The following NLK variants were observed in gnomAD, a reference collection of about 807,000 sequenced individuals.
NLK encodes nemo like kinase.
NLK carries 11 observed loss-of-function variants against 59.0 expected under a neutral mutation model. The ratio of observed to expected loss-of-function variants is 0.19; its 90% CI spans 0.12 to 0.31. The LOEUF is 0.31. Among genes scored for constraint, NLK ranks in the 10% least tolerant of loss-of-function variants. The pLI is 1.00. For synonymous variants in NLK, 235 were observed against 235.9 expected, an observed-to-expected ratio of 1.00 and a Z score of 0.03; for missense variants, 410 against 661.1, an observed-to-expected ratio of 0.62 and a Z score of 4.16.
chr17:28,187,547 G>C (rs1264913953), intron 8 of NLK, among the ~76,000 whole-genome samples: 1 of 152,126 alleles, frequency 6.6e-6, no homozygotes, highest in Non-Finnish European at 1.5e-5. Flanking sequence ...TGATCCACCT[G>C]CCTTGGCCTC....
downstream of NLK, among the ~76,000 whole-genome samples, chr17:28,201,105 G>GA (rs1387916868): frequency 6.6e-6 from 1 of 152,000 alleles, no homozygotes. Context: ...TTTTAGACAG[G>GA]GTCTCCCTCT....
rs573401453 is a variant in NLK, at chr17:28,177,051, T to C, written c.1149+4433T>C. The stretch of plus-strand genomic sequence containing the variant: ...AATAAAATGTTATTAAGAAAAATTA[T>C]AAGGAAGAGAAAATAGACTGTTTGT... On this transcript the variant is annotated intron_variant, in intron 7 of 10. Coordinates refer to ENST00000407008, the MANE Select transcript of NLK (RefSeq NM_016231.5). Among the ~76,000 whole-genome samples the C allele has an allele frequency of 9.2e-5, 14 of 152,198 alleles. 1 individual carries two copies. In the South Asian group the frequency reaches 2.9e-3, roughly 32 times the overall value.
At chr17:28,198,093 C>A (rs760450169), downstream of NLK, among the ~76,000 whole-genome samples, 1 of 152,102 alleles carries the variant, frequency 6.6e-6, no homozygotes, top group Non-Finnish European at 1.5e-5. Context: ...GGTACAGACA[C>A]CCCTAAGGAT....
intron 10 of NLK, among the ~76,000 whole-genome samples, chr17:28,192,679 A>AT (rs990568811): frequency 1.5e-4 from 23 of 151,972 alleles, no homozygotes; most frequent in African/African-American, 5.6e-4. Context: ...AAAAAAAAAA[A>AT]CAAAAAACTG....
chr17:28,122,932 T>C (rs1308895713), intron 2 of NLK, among the ~76,000 whole-genome samples, 200 bp downstream of exon 2: 1 of 152,184 alleles, frequency 6.6e-6, no homozygotes, highest in East Asian at 1.9e-4. Context: ...ATTCATACAT[T>C]CTTATTGAAA....
In NLK at chr17:28,163,453, C is replaced by T. The variant is rs190482238; in HGVS notation, c.752-90C>T. On this transcript the variant is annotated intron_variant, in intron 4 of 10. Transcript: ENST00000407008. ...AGTTATTTAGGGAACAATTTTAAAT[C>T]CTCTACTGTTTTCTTCCAAGGTTTT... 1.6e-3 allele frequency: 1,190 copies of T among 728,132 alleles called. 12 individuals are homozygous for T. The highest frequency in any genetic ancestry group is 9.0e-3 in the South Asian group (498 of 55,634). 45.1% of individuals were successfully genotyped at this position (728,132 alleles called of 1,614,324 possible).
At chr17:28,097,001 A>G (rs145516070) in intron 1 of NLK, among the ~76,000 whole-genome samples, 384 of 152,294 alleles carry the variant, frequency 2.5e-3, no homozygotes, top group Non-Finnish European at 3.4e-3. Flanking sequence ...TGTGTCATTT[A>G]TGTTACAGTA....
At chr17:28,059,448 GT>G (rs531724067) in intron 1 of NLK, among the ~76,000 whole-genome samples, 30 of 152,004 alleles carry the variant, frequency 2.0e-4, no homozygotes, top group Non-Finnish European at 3.5e-4. Flanking sequence ...CTATTGAACT[GT>G]TTAGGGAAAT....
At chr17:28,183,372 A>G (rs562659303) in intron 7 of NLK, among the ~76,000 whole-genome samples, 6 of 152,304 alleles carry the variant, frequency 3.9e-5, no homozygotes, top group South Asian at 2.1e-4. Context: ...TCTGTCACCC[A>G]GGCTAGAGTG....
At chr17:28,143,556 A>T (rs951499185) in intron 3 of NLK, among the ~76,000 whole-genome samples, 4 of 152,226 alleles carry the variant, frequency 2.6e-5, no homozygotes, top group Non-Finnish European at 4.4e-5. Flanking sequence ...CTTTCTGTCC[A>T]TATTCATTCT....
intron 8 of NLK, among the ~76,000 whole-genome samples, chr17:28,188,471 TAAGA>T (rs1909198190): frequency 6.6e-6 from 1 of 152,056 alleles, no homozygotes. Flanking sequence ...AGCAATACAT[TAAGA>T]AAGAAATGAG....
intron 1 of NLK, among the ~76,000 whole-genome samples, chr17:28,119,305 A>G (rs1273160436): frequency 6.6e-6 from 1 of 152,192 alleles, no homozygotes; most frequent in African/African-American, 2.4e-5. Context: ...TTAGAGTTAT[A>G]TTGTTGCCAG....
intron 7 of NLK, among the ~76,000 whole-genome samples, chr17:28,179,768 C>T (rs950941344): frequency 6.6e-6 from 1 of 151,088 alleles, no homozygotes. Context: ...CTAGTCTCAA[C>T]TTCCTGGGCT....
At chr17:28,077,396 A>G (rs2074902728) in intron 1 of NLK, among the ~76,000 whole-genome samples, 1 of 151,782 alleles carries the variant, frequency 6.6e-6, no homozygotes, top group Non-Finnish European at 1.5e-5. Flanking sequence ...ATTCACTACC[A>G]CGAGAACAGT....
rs536989699 is a variant in NLK, at chr17:28,152,106, G to A, written c.645-9054G>A. ...TCCATTCAAATCCCACAGGTATAGG[G>A]TGAGCAACACCCTGACCTGATAGGT... On this transcript the variant is annotated intron_variant, in intron 3 of 10. Coordinates refer to ENST00000407008, the MANE Select transcript of NLK (RefSeq NM_016231.5). Among the ~76,000 whole-genome samples, 192 of 152,290 alleles carry A rather than the reference G, an allele frequency of 1.3e-3. 1 individual carries two copies. The highest frequency in any genetic ancestry group is 4.5e-3 in the African/African-American group (188 of 41,574).
chr17:28,143,774 G>C (rs191807942), intron 3 of NLK, among the ~76,000 whole-genome samples: 16 of 152,194 alleles, frequency 1.1e-4, no homozygotes, highest in African/African-American at 3.9e-4. Flanking sequence ...CTGAACTCTA[G>C]ATGGCAAAAG....
At chr17:28,202,884 A>T in the NLK span, among the ~76,000 whole-genome samples, 1 of 151,594 alleles carries the variant, frequency 6.6e-6, no homozygotes, top group African/African-American at 2.4e-5. Flanking sequence ...GGGTTTCGCC[A>T]TGTTGGCCAG....
chr17:28,091,096 G>C (rs554230721), intron 1 of NLK, among the ~76,000 whole-genome samples: 3 of 151,846 alleles, frequency 2.0e-5, no homozygotes, highest in African/African-American at 7.3e-5. Context: ...TTATTTACTC[G>C]TCACTGACTT....
At chr17:28,088,459 A>G (rs1252006740) in intron 1 of NLK, among the ~76,000 whole-genome samples, 3 of 152,214 alleles carry the variant, frequency 2.0e-5, no homozygotes, top group Admixed American at 6.5e-5. Flanking sequence ...TACGGTTTCT[A>G]TAAATGATGG....
Sources: gnomAD v4.1 joint callset for allele counts (sites outside exome capture counted in the v4.1 genomes callset) on GRCh38, gnomAD v4.1.1 for gene constraint, MANE v1.5 for transcripts, NCBI Gene and HGNC (gene_info 2026-07-23, HGNC 2026-07-21) for gene names.